Variants in ANKRD66 observed in about 807,000 individuals in gnomAD.
ANKRD66 encodes the protein ankyrin repeat domain-containing protein 66.
ANKRD66 carries 10 observed loss-of-function variants against 10.9 expected under a neutral mutation model. That is an observed-to-expected ratio of 0.91 (90% CI 0.56 to 1.55). The LOEUF is 1.55. Ranked by LOEUF, ANKRD66 falls within the 40% of genes most tolerant of loss-of-function variation. ANKRD66 has a pLI of 0.00. For synonymous variants in ANKRD66, 85 were observed against 88.4 expected (o/e 0.96, Z 0.22); for missense variants, 252 against 242.9 (o/e 1.04, Z -0.25).
At chr6:46,747,243 T>G (rs1361571762) in intron 1 of ANKRD66, among the ~76,000 whole-genome samples, 1 of 152,170 alleles carries the variant, frequency 6.6e-6, no homozygotes, top group African/African-American at 2.4e-5. Context: ...GCAAACAAAT[T>G]GTGTTTGTTT....
At position 46,759,066 on chromosome 6, in the gene ANKRD66, C is replaced by T. The variant is rs1014113438; in HGVS notation, c.*145C>T. 1 of 702,786 alleles carries T rather than the reference C, an allele frequency of 1.4e-6. No individual in the cohort carries two copies. Among genetic ancestry groups the T allele is most frequent in the East Asian group, 2.7e-5 (1 of 36,454 alleles). The allele number at this position is 702,786 out of a possible 1,614,324, so 43.5% of individuals were successfully genotyped here. On this transcript the variant is annotated 3_prime_UTR_variant, in exon 5 of 5. Coordinates refer to ENST00000565422, the MANE Select transcript of ANKRD66 (RefSeq NM_001162435.3). Reference sequence around the variant, plus strand: ...TGGACCTGTCATTAGGTGCTGTCCACATGGGCTGTTGTTTCCTGGCTAGCA... The same window carrying T: ...TGGACCTGTCATTAGGTGCTGTCCATATGGGCTGTTGTTTCCTGGCTAGCA...
At chr6:46,752,271 G>A (rs1766287405) in intron 3 of ANKRD66, among the ~76,000 whole-genome samples, 160 bp downstream of exon 3, 1 of 152,080 alleles carries the variant, frequency 6.6e-6, no homozygotes, top group Non-Finnish European at 1.5e-5. Context: ...GTCTCGCTCT[G>A]TCATCCAGGC....
intron 2 of ANKRD66, among the ~76,000 whole-genome samples, chr6:46,750,703 G>A (rs1766251800): frequency 6.7e-6 from 1 of 148,554 alleles, no homozygotes; most frequent in Non-Finnish European, 1.5e-5. Context: ...ATATACGTGT[G>A]TGTACATATA....
intron 3 of ANKRD66, 53 bp downstream of exon 3, chr6:46,752,164 G>T: frequency 7.3e-7 from 1 of 1,371,220 alleles, no homozygotes; most frequent in South Asian, 1.8e-5. Context: ...CCATTCATGA[G>T]GCTATCAATC....
intron 4 of ANKRD66, among the ~76,000 whole-genome samples, chr6:46,754,850 C>G (rs1405194146): frequency 6.6e-6 from 1 of 152,214 alleles, no homozygotes; most frequent in Non-Finnish European, 1.5e-5. Flanking sequence ...AGTAAAGAGG[C>G]AGAACCTTGA....
At position 46,754,063 on chromosome 6, in the gene ANKRD66, G is replaced by A. The variant is rs943884733; in HGVS notation, c.392+113G>A. The A allele has an allele frequency of 3.0e-5, 26 of 870,370 alleles. 1 individual carries two copies. In the South Asian group the frequency reaches 4.7e-4, roughly 16 times the overall value. The allele number at this position is 870,370 out of a possible 1,614,324, so 53.9% of individuals were successfully genotyped here. ...AATGAAAATGAAATGAGGAAATCCA[G>A]CCAATGGACTATTATTTTTATTGAT... On this transcript the variant is annotated intron_variant, in intron 4 of 4. Transcript: ENST00000565422.
intron 3 of ANKRD66, among the ~76,000 whole-genome samples, 157 bp from the exon 4 acceptor site, chr6:46,753,565 A>C (rs553952496): frequency 6.6e-6 from 1 of 152,192 alleles, no homozygotes; most frequent in African/African-American, 2.4e-5. Context: ...CCCTGGTGAG[A>C]AGAGGGAAAA....
intron 4 of ANKRD66, among the ~76,000 whole-genome samples, chr6:46,754,568 A>G (rs1331360107): frequency 6.6e-6 from 1 of 152,214 alleles, no homozygotes; most frequent in East Asian, 1.9e-4. Context: ...TGTTTCGACA[A>G]GCAATTCATA....
Position 46,753,817 on chromosome 6 carries a change from G to A in ANKRD66, c.259G>A (p.Ala87Thr). The A allele has an allele frequency of 6.4e-7, 1 of 1,551,704 alleles. No homozygotes were observed. The highest frequency in any genetic ancestry group is 8.7e-7 in the Non-Finnish European group (1 of 1,146,996). The change falls in exon 4 of 5, where the codon GCA becomes ACA. Residue 87 changes from alanine to threonine, a missense_variant. Ala to Thr is a moderately conservative substitution (Grantham distance 58). Transcript: ENST00000565422. ...GACCCCAGCTCATTTTGCAGCAGAA[G>A]CAGGCCATCTGAATATACTCAAAAC... ...GWTPAHFAAE[A>T]GHLNILKTLH...
intron 4 of ANKRD66, among the ~76,000 whole-genome samples, chr6:46,754,199 A>T (rs1411463456): frequency 6.6e-6 from 1 of 152,178 alleles, no homozygotes; most frequent in African/African-American, 2.4e-5. Context: ...AGATAAGAGA[A>T]TTGGAATACC....
intron 4 of ANKRD66, among the ~76,000 whole-genome samples, chr6:46,754,451 AT>A (rs1203051902): frequency 6.6e-6 from 1 of 152,120 alleles, no homozygotes; most frequent in Admixed American, 6.5e-5. Flanking sequence ...GCACCTGTTT[AT>A]TTTTTTCGCT....
intron 3 of ANKRD66, 23 bp downstream of exon 3, chr6:46,752,134 G>C: frequency 7.0e-7 from 1 of 1,435,336 alleles, no homozygotes; most frequent in Non-Finnish European, 9.1e-7. Flanking sequence ...TGCTTAGGTA[G>C]ATCTGCCCTT....
chr6:46,756,143 C>T, intron 4 of ANKRD66: 1 of 419,868 alleles, frequency 2.4e-6, no homozygotes, highest in South Asian at 1.7e-5. Context: ...TTTGTATTTG[C>T]AAGATCTAAG....
In ANKRD66 at chr6:46,758,709, C is replaced by T; in HGVS notation, c.393-14C>T. ...TCCTGATCCAAGTTCAGAAGGCTCT[C>T]TCTTCTTTCCTAGGGCAGAGCCCGA... On this transcript the variant is annotated splice_polypyrimidine_tract_variant and intron_variant, in intron 4 of 4. Coordinates refer to ENST00000565422, the MANE Select transcript of ANKRD66 (RefSeq NM_001162435.3). 1 of 1,534,842 alleles carries T rather than the reference C, an allele frequency of 6.5e-7. No homozygotes were observed. The highest frequency in any genetic ancestry group is 1.4e-5 in the African/African-American group (1 of 71,994).
At chr6:46,748,263 T>C (rs1766188358) in intron 1 of ANKRD66, among the ~76,000 whole-genome samples, 1 of 152,220 alleles carries the variant, frequency 6.6e-6, no homozygotes, top group Non-Finnish European at 1.5e-5. Flanking sequence ...CATATGATTT[T>C]TTAGAATCGG....
Position 46,751,926 on chromosome 6 carries a change from C to T in ANKRD66, c.-12-11C>T, listed in dbSNP as rs1766277635. ...ACATAGAATTTCCTAAGTGGCATGT[C>T]TCTCCCACAGTTGTTTTCTGCCATG... is the stretch of plus-strand genomic sequence containing the variant. On this transcript the variant is annotated splice_polypyrimidine_tract_variant and intron_variant, in intron 2 of 4. Coordinates refer to ENST00000565422, the MANE Select transcript of ANKRD66 (RefSeq NM_001162435.3). The T allele has an allele frequency of 7.0e-6, 10 of 1,427,944 alleles. No homozygotes were observed. The highest frequency in any genetic ancestry group is 9.2e-6 in the Non-Finnish European group (10 of 1,090,594). The allele number at this position is 1,427,944 out of a possible 1,614,324, so 88.5% of individuals were successfully genotyped here. A position where few individuals can be genotyped will look rare whatever the true frequency, so the allele number is the denominator to read the frequency against.
chr6:46,747,674 C>T (rs1582603285), intron 1 of ANKRD66, among the ~76,000 whole-genome samples: 1 of 152,236 alleles, frequency 6.6e-6, no homozygotes, highest in African/African-American at 2.4e-5. Flanking sequence ...ATGGATATTC[C>T]ACATTTTGTG....
Position 46,758,773 on chromosome 6 carries a change from T to A in ANKRD66, c.443T>A (p.Leu148Gln), listed in dbSNP as rs1562092724. Residue 148 changes from leucine to glutamine, a missense_variant, in exon 5 of 5, where the codon CTG becomes CAG. Transcript: ENST00000565422. Reference protein sequence around the residue: ...DHRCAAQQKGLPLDERDEDWD... With the variant: ...DHRCAAQQKGQPLDERDEDWD... The stretch of plus-strand genomic sequence containing the variant: ...CGTTGCGCTGCCCAGCAGAAGGGGC[T>A]GCCTCTGGATGAGCGTGATGAAGAC... The A allele has an allele frequency of 2.6e-6, 4 of 1,551,168 alleles. No homozygotes were observed. The highest frequency in any genetic ancestry group is 3.5e-6 in the Non-Finnish European group (4 of 1,146,836).
chr6:46,747,711 T>A (rs1368581819), intron 1 of ANKRD66, among the ~76,000 whole-genome samples: 1 of 152,246 alleles, frequency 6.6e-6, no homozygotes, highest in East Asian at 1.9e-4. Flanking sequence ...GATGAACCTT[T>A]GGGATGTTTC....
Sources: allele counts gnomAD v4.1 joint callset (sites outside exome capture counted in the v4.1 genomes callset), GRCh38; gene constraint gnomAD v4.1.1; transcripts MANE v1.5; gene names NCBI Gene and HGNC (gene_info 2026-07-23, HGNC 2026-07-21).